Variants in PCSK5 observed in about 807,000 individuals in gnomAD.
PCSK5 encodes the protein proprotein convertase subtilisin/kexin type 5.
PCSK5 carries 129 observed loss-of-function variants against 233.2 expected under a neutral mutation model. That is an observed-to-expected ratio of 0.55 (90% CI 0.48 to 0.64). PCSK5 has a LOEUF of 0.64. Ranked by LOEUF, PCSK5 falls within the 30% of genes least tolerant of loss-of-function variation. The pLI, the probability that PCSK5 is intolerant of heterozygous loss-of-function variation, is 0.00. For synonymous variants in PCSK5, 825 were observed against 879.2 expected (o/e 0.94, Z 1.09); for missense variants, 2,076 against 2,430.1 (o/e 0.85, Z 3.06).
At chr9:76,214,294 T>TCACA (rs34030142) in intron 20 of PCSK5, among the ~76,000 whole-genome samples, 8 of 150,704 alleles carry the variant, frequency 5.3e-5, no homozygotes, top group African/African-American at 1.2e-4. Flanking sequence ...CCACATTCAC[T>TCACA]CACACACACA....
chr9:76,060,251 C>G (rs1280812794), intron 5 of PCSK5, among the ~76,000 whole-genome samples: 1 of 152,138 alleles, frequency 6.6e-6, no homozygotes, highest in Non-Finnish European at 1.5e-5. Flanking sequence ...TAATAGCTTA[C>G]TGTTGACTGG....
intron 30 of PCSK5, among the ~76,000 whole-genome samples, chr9:76,314,256 T>C (rs1564174033): frequency 6.6e-6 from 1 of 152,234 alleles, no homozygotes; most frequent in Non-Finnish European, 1.5e-5. Flanking sequence ...TCTGTATTTC[T>C]TGAGCAGTAG....
At chr9:76,209,411 T>A in intron 20 of PCSK5, 1 of 420,434 alleles carries the variant, frequency 2.4e-6, no homozygotes, top group South Asian at 1.8e-5. Flanking sequence ...ACTAGTTTAC[T>A]TTATATCTCC....
At chr9:75,954,419 C>T (rs779749766) in intron 2 of PCSK5, among the ~76,000 whole-genome samples, 2 of 152,238 alleles carry the variant, frequency 1.3e-5, no homozygotes, top group South Asian at 4.1e-4. Context: ...ATATCTCCCC[C>T]TCCCGCTCCT....
intron 30 of PCSK5, among the ~76,000 whole-genome samples, chr9:76,315,489 C>T (rs76600347): frequency 0.013 from 2,046 of 152,136 alleles, 25 homozygotes; most frequent in Non-Finnish European, 0.02. Flanking sequence ...TTGAATTTAA[C>T]GATTTAGTAC....
intron 9 of PCSK5, among the ~76,000 whole-genome samples, chr9:76,113,865 A>T (rs1052009434): frequency 6.6e-6 from 1 of 152,200 alleles, no homozygotes; most frequent in African/African-American, 2.4e-5. Flanking sequence ...TGCAGTGGGC[A>T]GGGAGCACAA....
chr9:76,008,493 G>A (rs143255391), intron 3 of PCSK5, among the ~76,000 whole-genome samples: 42 of 150,618 alleles, frequency 2.8e-4, no homozygotes, highest in Middle Eastern at 3.4e-3. Flanking sequence ...ATGGAGTCTC[G>A]CTCTGTCACC....
intron 25 of PCSK5, among the ~76,000 whole-genome samples, chr9:76,293,647 G>A (rs776318245): frequency 2.6e-5 from 4 of 152,048 alleles, no homozygotes; most frequent in Admixed American, 6.6e-5. Context: ...ACAGGGTTTC[G>A]CCATGTTGGC....
chr9:76,151,434 G>C (rs926209159), intron 10 of PCSK5, among the ~76,000 whole-genome samples: 3 of 152,298 alleles, frequency 2.0e-5, no homozygotes, highest in South Asian at 4.1e-4. Context: ...TTCTCCTGCA[G>C]TCTGGTCTCA....
Position 76,358,518 on chromosome 9 carries a change from T to C in PCSK5, c.5260T>C (p.Cys1754Arg). 1.2e-6 allele frequency: 2 copies of C among 1,608,242 alleles called. No homozygotes were observed. Among genetic ancestry groups the C allele is most frequent in the Non-Finnish European group, 1.7e-6 (2 of 1,175,944 alleles). ...CCDCQDTTDE[C>R]ILRTSKVRPA... ...TTGAGGTCTTCTTCCAACAGACGAA[T>C]GCATCCTTCGAACAAGCAAGGTTAG... Residue 1754 changes from cysteine to arginine, a missense_variant, in exon 38 of 38, where the codon TGC becomes CGC. Coordinates refer to ENST00000674117, the MANE Select transcript of PCSK5 (RefSeq NM_001372043.1).
intron 34 of PCSK5, among the ~76,000 whole-genome samples, chr9:76,333,562 A>G (rs1829596067): frequency 6.6e-6 from 1 of 152,228 alleles, no homozygotes; most frequent in African/African-American, 2.4e-5. Context: ...TCTGCTAGGA[A>G]GAACTGTTAG....
chr9:75,919,060 T>A (rs1006183688), intron 1 of PCSK5, among the ~76,000 whole-genome samples: 6 of 152,206 alleles, frequency 3.9e-5, no homozygotes, highest in African/African-American at 1.4e-4. Context: ...GCCACCACCA[T>A]AAGAAACAGA....
intron 35 of PCSK5, among the ~76,000 whole-genome samples, chr9:76,342,950 C>G (rs1446463004): frequency 2.0e-5 from 3 of 152,160 alleles, no homozygotes; most frequent in Non-Finnish European, 4.4e-5. Flanking sequence ...CATCTCCCCT[C>G]TCTTGGTATT....
intron 24 of PCSK5, among the ~76,000 whole-genome samples, chr9:76,269,465 A>C (rs1827438606): frequency 6.6e-6 from 1 of 152,226 alleles, no homozygotes; most frequent in Non-Finnish European, 1.5e-5. Context: ...GTAAAAATTG[A>C]GATGGATTGT....
chr9:75,916,687 G>A (rs1823012943), intron 1 of PCSK5, among the ~76,000 whole-genome samples: 3 of 152,276 alleles, frequency 2.0e-5, no homozygotes, highest in Non-Finnish European at 4.4e-5. Context: ...GGTGCGTAGT[G>A]AGTGAGGGTT....
At chr9:76,225,174 GT>G (rs1825849201) in intron 20 of PCSK5, among the ~76,000 whole-genome samples, 1 of 152,222 alleles carries the variant, frequency 6.6e-6, no homozygotes, top group African/African-American at 2.4e-5. Context: ...GGAAGTAGAA[GT>G]CCCTTGGCTA....
chr9:76,024,015 G>A, intron 4 of PCSK5, 134 bp downstream of exon 4: 1 of 634,744 alleles, frequency 1.6e-6, no homozygotes, highest in Non-Finnish European at 2.5e-6. Context: ...GCTTCTCTCT[G>A]GTAAAAGATG....
At chr9:76,351,533 G>A (rs10869762) in intron 36 of PCSK5, among the ~76,000 whole-genome samples, 6,608 of 15,424 alleles carry the variant, frequency 0.43, 1,915 homozygotes, top group African/African-American at 0.46. Context: ...AGAAAGAAAG[G>A]AAGGAAAGAA....
At chr9:75,899,391 AAATCTAGTCT>A (rs1192880907) in intron 1 of PCSK5, among the ~76,000 whole-genome samples, 1 of 152,188 alleles carries the variant, frequency 6.6e-6, no homozygotes, top group Non-Finnish European at 1.5e-5. Context: ...AGGGCACCTG[AAATCTAGTCT>A]CTTAGCAAAT....
Sources: allele counts gnomAD v4.1 joint callset (sites outside exome capture counted in the v4.1 genomes callset), GRCh38; gene constraint gnomAD v4.1.1; transcripts MANE v1.5; gene names NCBI Gene and HGNC (gene_info 2026-07-23, HGNC 2026-07-21).